PRKAR1A: variants seen among roughly 807,000 people sequenced by gnomAD.
PRKAR1A encodes cAMP-dependent protein kinase type I-alpha regulatory subunit.
Under a neutral mutation model 52.0 loss-of-function variants are expected in PRKAR1A, and 3 were observed. The ratio of observed to expected loss-of-function variants is 0.06; its 90% CI spans 0.03 to 0.15. The LOEUF (loss-of-function observed/expected upper bound fraction) is 0.15. Among genes scored for constraint, PRKAR1A ranks in the 10% least tolerant of loss-of-function variants. PRKAR1A has a pLI of 1.00. For missense variants in PRKAR1A, 240 were observed against 477.4 expected, an observed-to-expected ratio of 0.50 and a Z score of 4.63; for synonymous variants, 188 against 168.4, an observed-to-expected ratio of 1.12 and a Z score of -0.90.
At chr17:68,474,917 G>C in the PRKAR1A span, among the ~76,000 whole-genome samples, 1 of 151,994 alleles carries the variant, frequency 6.6e-6, no homozygotes, top group African/African-American at 2.4e-5. Context: ...CAATCAAAAT[G>C]CCCAAGTTTT....
chr17:68,545,908 G>A (rs2086532739), intron 11 of PRKAR1A, among the ~76,000 whole-genome samples: 2 of 152,190 alleles, frequency 1.3e-5, no homozygotes, highest in Admixed American at 1.3e-4. Flanking sequence ...GGTGGCTCAT[G>A]CCTGTAATCC....
At chr17:68,533,733 A>G (rs565070519), downstream of PRKAR1A, among the ~76,000 whole-genome samples, 72 of 152,232 alleles carry the variant, frequency 4.7e-4, no homozygotes, top group African/African-American at 6.0e-4. Flanking sequence ...CTATTTGTCT[A>G]TTTATCGATC....
chr17:68,521,643 T>G (rs576330411), intron 2 of PRKAR1A, among the ~76,000 whole-genome samples: 1 of 152,342 alleles, frequency 6.6e-6, no homozygotes, highest in East Asian at 1.9e-4. Flanking sequence ...TGAAATGAGT[T>G]TTCTAAAAAC....
At position 68,530,017 on chromosome 17, in the gene PRKAR1A, C is replaced by T; in HGVS notation, c.973+16C>T. 6.2e-7 allele frequency: 1 copy of T among 1,607,004 alleles called. No homozygotes were observed. Among genetic ancestry groups the T allele is most frequent in the Non-Finnish European group, 8.5e-7 (1 of 1,173,620 alleles). On this transcript the variant is annotated intron_variant, in intron 10 of 10. Transcript: ENST00000589228. ...GATTATTTTGGTATGTATGAATTCC[C>T]TCACAATAAATACATGGTTTCTTTA...
chr17:68,550,646 A>C (rs556315626), intron 11 of PRKAR1A, among the ~76,000 whole-genome samples: 1 of 152,164 alleles, frequency 6.6e-6, no homozygotes, highest in East Asian at 1.9e-4. Context: ...CTACCAAAGT[A>C]CTGGGATTAC....
the PRKAR1A span, chr17:68,457,216 A>G: frequency 7.8e-6 from 9 of 1,155,506 alleles, no homozygotes; most frequent in Non-Finnish European, 1.1e-5. Context: ...ATGCGTCCGA[A>G]GCAGACACCG....
At chr17:68,471,580 C>T in the PRKAR1A span, among the ~76,000 whole-genome samples, 1 of 152,146 alleles carries the variant, frequency 6.6e-6, no homozygotes, top group Admixed American at 6.5e-5. Context: ...CCACCTCCTC[C>T]TTTCCGTTCC....
intron 11 of PRKAR1A, among the ~76,000 whole-genome samples, chr17:68,544,260 A>G (rs1415037783): frequency 6.6e-6 from 1 of 152,154 alleles, no homozygotes; most frequent in Non-Finnish European, 1.5e-5. Flanking sequence ...CCCTCAGAGA[A>G]ACACAGCCGG....
intron 6 of PRKAR1A, 48 bp from the exon 7 acceptor site, chr17:68,525,706 G>C (rs201769655): frequency 6.3e-7 from 1 of 1,589,038 alleles, no homozygotes; most frequent in East Asian, 2.2e-5. Context: ...TAACATTTAA[G>C]TGTTTGTATC....
chr17:68,420,693 G>A, the PRKAR1A span: 7 of 555,422 alleles, frequency 1.3e-5, no homozygotes, highest in Middle Eastern at 4.7e-4. Flanking sequence ...GGAAGCACAC[G>A]GGCTTTGGAG....
chr17:68,506,061 G>A, the PRKAR1A span, among the ~76,000 whole-genome samples: 2 of 152,010 alleles, frequency 1.3e-5, no homozygotes, highest in East Asian at 1.9e-4. Context: ...AGACATCCAC[G>A]CCCATTCATT....
chr17:68,542,243 C>T lies in PRKAR1A; in HGVS notation c.974-8841C>T, dbSNP rs76499529. The T allele has an allele frequency of 1.5e-5, 23 of 1,507,224 alleles. No individual in the cohort carries two copies. The East Asian group carries it at 5.1e-4, about 33-fold the overall frequency. 93.4% of individuals were successfully genotyped at this position (1,507,224 alleles called of 1,614,324 possible). ...ACATCTTCCTGGCCTAGGAAATCCA[C>T]TGGGAGGGAAGGGAAACCCTGAACT... On this transcript the variant is annotated intron_variant, in intron 11 of 11. Coordinates refer to the PRKAR1A transcript ENST00000585981.
intron 11 of PRKAR1A, chr17:68,543,650 A>G (rs1387330546): frequency 2.5e-6 from 4 of 1,614,150 alleles, no homozygotes; most frequent in Non-Finnish European, 3.4e-6. Context: ...GAAAGCTGCG[A>G]TCTCAGCATT....
At chr17:68,526,176 GT>G (rs1166881385) in intron 7 of PRKAR1A, among the ~76,000 whole-genome samples, 2 of 152,186 alleles carry the variant, frequency 1.3e-5, no homozygotes, top group Non-Finnish European at 2.9e-5. Flanking sequence ...GTCATCTCAT[GT>G]TTGGAAATCT....
intron 2 of PRKAR1A, among the ~76,000 whole-genome samples, chr17:68,519,853 A>G (rs1337034451): frequency 6.6e-6 from 1 of 152,214 alleles, no homozygotes; most frequent in Non-Finnish European, 1.5e-5. Flanking sequence ...ATATACATAA[A>G]TACTCGTTAT....
At chr17:68,458,376 A>G in the PRKAR1A span, among the ~76,000 whole-genome samples, 1 of 152,264 alleles carries the variant, frequency 6.6e-6, no homozygotes, top group South Asian at 2.1e-4. Flanking sequence ...AATAACTGCT[A>G]AACAGTAATT....
intron 1 of PRKAR1A, chr17:68,513,374 C>T (rs1568686135): frequency 6.6e-6 from 1 of 152,304 alleles, no homozygotes; most frequent in Non-Finnish European, 1.5e-5. Flanking sequence ...GGAAAGCAAA[C>T]ACTTACTCAA....
chr17:68,503,395 A>G, the PRKAR1A span, among the ~76,000 whole-genome samples: 1 of 152,234 alleles, frequency 6.6e-6, no homozygotes, highest in Non-Finnish European at 1.5e-5. Context: ...TTGCACATGG[A>G]TGTTTATAGC....
At chr17:68,542,666 C>A (rs775899911) in intron 11 of PRKAR1A, 1 of 1,565,428 alleles carries the variant, frequency 6.4e-7, no homozygotes, top group East Asian at 2.2e-5. Flanking sequence ...TACTCAGACC[C>A]GGAATATCAC....
Sources: gnomAD v4.1 joint callset for allele counts (sites outside exome capture counted in the v4.1 genomes callset) on GRCh38, gnomAD v4.1.1 for gene constraint, MANE v1.5 for transcripts, NCBI Gene and HGNC (gene_info 2026-07-23, HGNC 2026-07-21) for gene names.